The following C2orf76 variants were observed in gnomAD, a reference collection of about 807,000 sequenced individuals.
C2orf76 encodes UPF0538 protein C2orf76.
Under a neutral mutation model 16.9 loss-of-function variants are expected in C2orf76, and 23 were observed. The ratio of observed to expected loss-of-function variants is 1.36; its 90% CI spans 0.98 to 1.93. C2orf76 has a LOEUF of 1.93. C2orf76 is among the 30% of genes most tolerant of loss of function. The pLI is 0.00. For synonymous variants in C2orf76, 48 were observed against 52.3 expected (o/e 0.92, Z 0.35); for missense variants, 152 against 152.6 (o/e 1.00, Z 0.02).
chr2:119,303,740 T>A (rs1678687703), intron 5 of C2orf76, among the ~76,000 whole-genome samples: 3 of 152,172 alleles, frequency 2.0e-5, no homozygotes, highest in African/African-American at 7.2e-5. Flanking sequence ...CCCATGCTCA[T>A]TACAGAAAAT....
the C2orf76 span, among the ~76,000 whole-genome samples, chr2:119,287,379 C>A: frequency 6.6e-6 from 1 of 152,162 alleles, no homozygotes; most frequent in Non-Finnish European, 1.5e-5. Flanking sequence ...ACACCTCAGT[C>A]CCCACCAGCT....
chr2:119,282,977 G>A, the C2orf76 span, among the ~76,000 whole-genome samples: 1 of 152,204 alleles, frequency 6.6e-6, no homozygotes, highest in African/African-American at 2.4e-5. Flanking sequence ...AAAGACGGAT[G>A]TCCACTTCTG....
chr2:119,312,831 T>C lies in C2orf76; in HGVS notation c.223-1128A>G, dbSNP rs547782980. On this transcript the variant is annotated intron_variant, in intron 4 of 5. Transcript: ENST00000334816. ...TCACAAGGTCAGGAGATCGAGACCA[T>C]CCTGGCTAACATGGTAAAACCCCGT... is the stretch of plus-strand genomic sequence containing the variant. Among the ~76,000 whole-genome samples, 7 of 151,884 alleles carry C rather than the reference T, an allele frequency of 4.6e-5. No individual in the cohort carries two copies. The South Asian group carries it at 1.5e-3, about 32-fold the overall frequency.
At chr2:119,314,014 G>GTTT (rs368623211) in intron 4 of C2orf76, among the ~76,000 whole-genome samples, 28,302 of 85,582 alleles carry the variant, frequency 0.33, 5,151 homozygotes, top group Non-Finnish European at 0.36. Context: ...TTTCTCAGTG[G>GTTT]TTTTTTTTTT....
At chr2:119,294,251 A>C in the C2orf76 span, among the ~76,000 whole-genome samples, 1 of 152,144 alleles carries the variant, frequency 6.6e-6, no homozygotes, top group South Asian at 2.1e-4. Context: ...TGAGAGGTGA[A>C]GCAATTCCAA....
chr2:119,321,303 T>C (rs1679334197), intron 2 of C2orf76, 99 bp from the exon 3 acceptor site: 6 of 697,130 alleles, frequency 8.6e-6, no homozygotes, highest in Middle Eastern at 3.1e-4. Context: ...ACAGACTAAG[T>C]TACCTTGAAA....
chr2:119,338,629 A>G (rs779119087), intron 2 of C2orf76, among the ~76,000 whole-genome samples: 17 of 152,200 alleles, frequency 1.1e-4, no homozygotes, highest in Non-Finnish European at 2.2e-4. Context: ...GTCCGAGGAA[A>G]CTGAGAGGCT....
chr2:119,332,238 T>G (rs1020835419), intron 2 of C2orf76, among the ~76,000 whole-genome samples: 1 of 152,000 alleles, frequency 6.6e-6, no homozygotes, highest in Non-Finnish European at 1.5e-5. Flanking sequence ...TATTGGATGC[T>G]GGATCTACAT....
At chr2:119,286,733 TGA>T in the C2orf76 span, among the ~76,000 whole-genome samples, 1 of 151,996 alleles carries the variant, frequency 6.6e-6, no homozygotes, top group East Asian at 1.9e-4. Flanking sequence ...ACTCGGTGGA[TGA>T]GAGTCTGCAG....
chr2:119,348,188 G>A (rs140889442), intron 1 of C2orf76, among the ~76,000 whole-genome samples: 95 of 152,160 alleles, frequency 6.2e-4, no homozygotes, highest in African/African-American at 1.9e-3. Flanking sequence ...CTATAAGTGC[G>A]CAAAGGTGTA....
At chr2:119,367,100 G>C (rs1001166293), upstream of C2orf76, 4 of 1,612,552 alleles carry the variant, frequency 2.5e-6, no homozygotes, top group African/African-American at 4.0e-5. Flanking sequence ...GGTGCAGCGG[G>C]CGGGAGGCCC....
At chr2:119,296,812 A>G in the C2orf76 span, among the ~76,000 whole-genome samples, 1 of 152,376 alleles carries the variant, frequency 6.6e-6, no homozygotes, top group South Asian at 2.1e-4. Context: ...AAAGGAGAAT[A>G]GAAAAATGCC....
At chr2:119,361,737 C>T (rs982551506) in intron 1 of C2orf76, among the ~76,000 whole-genome samples, 2 of 152,114 alleles carry the variant, frequency 1.3e-5, no homozygotes, top group African/African-American at 4.8e-5. Context: ...ATATAGGGTT[C>T]AGGCCTCCAT....
At chr2:119,334,118 A>C (rs1390606887) in intron 2 of C2orf76, among the ~76,000 whole-genome samples, 1 of 152,154 alleles carries the variant, frequency 6.6e-6, no homozygotes, top group Non-Finnish European at 1.5e-5. Flanking sequence ...TCTAAGTAAA[A>C]GAAGCCATTC....
intron 1 of C2orf76, among the ~76,000 whole-genome samples, chr2:119,345,996 A>G (rs1573671835): frequency 6.8e-6 from 1 of 146,586 alleles, no homozygotes; most frequent in East Asian, 2.1e-4. Context: ...CAGAGCTTGC[A>G]GTGAGCAGAG....
the C2orf76 span, among the ~76,000 whole-genome samples, chr2:119,284,807 T>C: frequency 1.3e-5 from 2 of 152,192 alleles, no homozygotes; most frequent in East Asian, 1.9e-4. Context: ...AATCTTATGG[T>C]TGATAATTTT....
chr2:119,296,789 G>A, the C2orf76 span, among the ~76,000 whole-genome samples: 1 of 152,230 alleles, frequency 6.6e-6, no homozygotes, highest in Non-Finnish European at 1.5e-5. Context: ...TTTGGCAAAG[G>A]CAAGTTCTCT....
intron 1 of C2orf76, among the ~76,000 whole-genome samples, chr2:119,353,892 A>G (rs1156935938): frequency 1.3e-5 from 2 of 152,114 alleles, no homozygotes; most frequent in African/African-American, 2.4e-5. Context: ...GACAGACTGG[A>G]GAAAGGGTGG....
chr2:119,292,369 T>G, the C2orf76 span, among the ~76,000 whole-genome samples: 2 of 152,186 alleles, frequency 1.3e-5, no homozygotes, highest in Admixed American at 6.5e-5. Flanking sequence ...GTTTTGTTTT[T>G]TTTCCAGCTG....
Sources: gnomAD v4.1 joint callset for allele counts (sites outside exome capture counted in the v4.1 genomes callset) on GRCh38, gnomAD v4.1.1 for gene constraint, MANE v1.5 for transcripts, NCBI Gene and HGNC (gene_info 2026-07-23, HGNC 2026-07-21) for gene names.